The following KANK1 variants were observed in gnomAD, a reference collection of about 807,000 sequenced individuals.
KANK1 encodes the protein KN motif and ankyrin repeat domains 1.
In KANK1, 109 loss-of-function variants were observed where a neutral mutation model predicts 106.2. The ratio of observed to expected loss-of-function variants is 1.03; its 90% confidence interval spans 0.88 to 1.20. The LOEUF (loss-of-function observed/expected upper bound fraction) is 1.20. Ranked by LOEUF, KANK1 falls within the 50% of genes most tolerant of loss-of-function variation. The probability of loss-of-function intolerance (pLI) is 0.00; values close to 1 mark genes in which losing one functional copy is unlikely to be tolerated. For missense variants in KANK1, 2,399 were observed against 1,710.7 expected (o/e 1.40, Z -7.10); for synonymous variants, 873 against 652.2 (o/e 1.34, Z -5.16).
chr9:544,572 A>G (rs1250819870), intron 1 of KANK1, among the ~76,000 whole-genome samples: 1 of 152,196 alleles, frequency 6.6e-6, no homozygotes, highest in African/African-American at 2.4e-5. Context: ...CAAAGTGAGG[A>G]CGTAACATAT....
At chr9:719,080 C>G (rs922323792) in intron 3 of KANK1, among the ~76,000 whole-genome samples, 1 of 151,386 alleles carries the variant, frequency 6.6e-6, no homozygotes, top group Admixed American at 6.6e-5. Flanking sequence ...CTGCCTCAGC[C>G]TCCTGAATAG....
intron 1 of KANK1, among the ~76,000 whole-genome samples, chr9:600,911 C>T (rs1452540222): frequency 6.6e-6 from 1 of 151,730 alleles, no homozygotes; most frequent in African/African-American, 2.4e-5. Flanking sequence ...CAAAAGGCAG[C>T]CCACCTTCAT....
At chr9:545,707 G>GTTGGC in intron 1 of KANK1, among the ~76,000 whole-genome samples, 1 of 143,704 alleles carries the variant, frequency 7.0e-6, no homozygotes, top group East Asian at 2.1e-4. Flanking sequence ...ATGCAGTACT[G>GTTGGC]TTGGCCTGTA....
chr9:708,626 A>C (rs1008067073), intron 2 of KANK1, among the ~76,000 whole-genome samples: 2 of 152,116 alleles, frequency 1.3e-5, no homozygotes, highest in Non-Finnish European at 2.9e-5. Context: ...GGGCAGATGG[A>C]AGCAGAAGTG....
At chr9:629,922 G>A (rs1835263145) in intron 1 of KANK1, among the ~76,000 whole-genome samples, 1 of 152,166 alleles carries the variant, frequency 6.6e-6, no homozygotes, top group Non-Finnish European at 1.5e-5. Context: ...GTGGAAGAAT[G>A]CTTGTTTTTC....
rs750590642 is a variant in KANK1 at position 730,090 on chromosome 9, A to C, written c.2738A>C (p.Gln913Pro). ...TATACCTGTAAGTGTGGGGGCCTTC[A>C]GTCAGGAAGTCCCTTAAGCTCCCAG... ...LGYTCKCGGL[Q>P]SGSPLSSQTS... Residue 913 changes from glutamine (Q) to proline (P), a missense_variant, in exon 4 of 12, where the codon CAG becomes CCG. Coordinates refer to ENST00000382297, the MANE Select transcript of KANK1 (RefSeq NM_015158.5). The C allele has an allele frequency of 1.9e-6, 3 of 1,614,096 alleles. No homozygotes were observed. The highest frequency in any genetic ancestry group is 2.5e-6 in the Non-Finnish European group (3 of 1,180,050).
chr9:709,628 T>TA (rs1286888489), intron 2 of KANK1, among the ~76,000 whole-genome samples: 1 of 132,714 alleles, frequency 7.5e-6, no homozygotes, highest in Non-Finnish European at 1.6e-5. Context: ...TTTTTTTTTT[T>TA]AATTGAGACG....
intron 1 of KANK1, among the ~76,000 whole-genome samples, chr9:605,894 A>G (rs929724701): frequency 1.3e-5 from 2 of 151,676 alleles, no homozygotes; most frequent in East Asian, 3.9e-4. Context: ...ACTGGCCCAT[A>G]CACCAGATGG....
At chr9:705,796 C>T (rs1252666591) in intron 2 of KANK1, among the ~76,000 whole-genome samples, 1 of 151,876 alleles carries the variant, frequency 6.6e-6, no homozygotes, top group Non-Finnish European at 1.5e-5. Context: ...GATGGGGTTT[C>T]ACCATGTTGG....
At chr9:686,493 C>T (rs1818603044) in intron 2 of KANK1, among the ~76,000 whole-genome samples, 1 of 152,082 alleles carries the variant, frequency 6.6e-6, no homozygotes, top group African/African-American at 2.4e-5. Context: ...TTAGAACACG[C>T]TAGGGTGGAG....
chr9:601,480 G>T (rs1020578026), intron 1 of KANK1, among the ~76,000 whole-genome samples: 1 of 151,808 alleles, frequency 6.6e-6, no homozygotes, highest in East Asian at 1.9e-4. Context: ...GGGGCTGTCT[G>T]ATGTTTCCTA....
upstream of KANK1, among the ~76,000 whole-genome samples, chr9:504,359 GACGAAGGTGC>G (rs1430093577): frequency 6.6e-6 from 1 of 151,700 alleles, no homozygotes; most frequent in Non-Finnish European, 1.5e-5. Flanking sequence ...CAGGCGCGGC[GACGAAGGTGC>G]ACGAAGGTGC....
chr9:729,608 A>ATAGTT (rs1158591390), intron 3 of KANK1, among the ~76,000 whole-genome samples: 1 of 152,148 alleles, frequency 6.6e-6, no homozygotes, highest in African/African-American at 2.4e-5. Flanking sequence ...CAGGTTATGG[A>ATAGTT]TAGTTTAGAA....
intron 1 of KANK1, among the ~76,000 whole-genome samples, chr9:608,703 A>G (rs3812526): frequency 0.25 from 38,613 of 151,960 alleles, 5,119 homozygotes; most frequent in Admixed American, 0.34. Flanking sequence ...AATTGTTCAC[A>G]AAGGTTGTCA....
intron 3 of KANK1, among the ~76,000 whole-genome samples, chr9:479,395 A>G (rs2058164239): frequency 6.6e-6 from 1 of 152,232 alleles, no homozygotes; most frequent in Non-Finnish European, 1.5e-5. Flanking sequence ...GGGGGCTTGA[A>G]GTCACCAGAG....
At chr9:645,874 C>T (rs1336681529) in intron 1 of KANK1, among the ~76,000 whole-genome samples, 2 of 151,058 alleles carry the variant, frequency 1.3e-5, no homozygotes, top group African/African-American at 5.0e-5. Context: ...CATAGACACA[C>T]ATTGGTCTAT....
chr9:611,402 A>T (rs1830519959), intron 1 of KANK1, among the ~76,000 whole-genome samples: 1 of 152,222 alleles, frequency 6.6e-6, no homozygotes, highest in East Asian at 1.9e-4. Context: ...AGAAAAAAGT[A>T]CAGGACTCAA....
intron 2 of KANK1, among the ~76,000 whole-genome samples, chr9:685,995 G>A (rs1051530801): frequency 6.7e-6 from 1 of 150,302 alleles, no homozygotes; most frequent in Non-Finnish European, 1.5e-5. Flanking sequence ...TGTACAGCAG[G>A]TACATTTAAG....
chr9:710,275 A>T (rs1825579497), intron 2 of KANK1, among the ~76,000 whole-genome samples: 1 of 152,176 alleles, frequency 6.6e-6, no homozygotes, highest in African/African-American at 2.4e-5. Flanking sequence ...AAATATTTGC[A>T]TCTCCATTTT....
Sources: allele counts gnomAD v4.1 joint callset (sites outside exome capture counted in the v4.1 genomes callset), GRCh38; gene constraint gnomAD v4.1.1; transcripts MANE v1.5; gene names NCBI Gene and HGNC (gene_info 2026-07-23, HGNC 2026-07-21).